Variants in PDK1 observed in about 807,000 individuals in gnomAD.
The protein encoded by PDK1 is [Pyruvate dehydrogenase (acetyl-transferring)] kinase isozyme 1, mitochondrial.
Under a neutral mutation model 54.2 loss-of-function variants are expected in PDK1, and 39 were observed. The observed-to-expected ratio is 0.72, with a 90% CI of 0.56 to 0.94. PDK1 has a LOEUF of 0.94. PDK1 is among the 40% of genes least tolerant of loss of function. The pLI is 0.00. For missense variants in PDK1, 552 were observed against 566.0 expected (o/e 0.98, Z 0.25); for synonymous variants, 221 against 207.1 (o/e 1.07, Z -0.58).
At chr2:172,672,600 C>T in the PDK1 span, among the ~76,000 whole-genome samples, 1 of 151,698 alleles carries the variant, frequency 6.6e-6, no homozygotes, top group Non-Finnish European at 1.5e-5. Context: ...TGAGCAAGTC[C>T]ATCAGTATCA....
chr2:172,705,485 G>A, the PDK1 span, among the ~76,000 whole-genome samples: 2 of 152,326 alleles, frequency 1.3e-5, no homozygotes, highest in South Asian at 4.1e-4. Flanking sequence ...TGTCACCTAA[G>A]TACAGGTCCT....
rs564652472 is a variant in PDK1 at position 172,601,609 on chromosome 2, G to A, written c.*5640G>A. 2.6e-5 allele frequency: 4 copies of A among 152,298 alleles called. No individual in the cohort carries two copies. The highest frequency in any genetic ancestry group is 2.1e-4 in the South Asian group (1 of 4,830). 9.4% of individuals were successfully genotyped at this position (152,298 alleles called of 1,614,324 possible). A position where few individuals can be genotyped will look rare whatever the true frequency, so the allele number is the denominator to read the frequency against. Reference sequence around the variant, plus strand: ...TTTCTGGAGGCTTCTGCAGCCTTGCGGAACTGTGAGTCAATCCTTTTTATT... The same window carrying A: ...TTTCTGGAGGCTTCTGCAGCCTTGCAGAACTGTGAGTCAATCCTTTTTATT... On this transcript the variant is annotated 3_prime_UTR_variant, in exon 11 of 11. Coordinates refer to ENST00000282077, the MANE Select transcript of PDK1 (RefSeq NM_002610.5).
the PDK1 span, among the ~76,000 whole-genome samples, chr2:172,704,782 C>T: frequency 6.6e-6 from 1 of 152,304 alleles, no homozygotes; most frequent in African/African-American, 2.4e-5. Flanking sequence ...CTGTCTCCCA[C>T]TTTGGGAGGC....
rs907447143 is a variant in PDK1, at chr2:172,602,736, C to T, written c.*6767C>T. 1 of 152,190 alleles carries T rather than the reference C, an allele frequency of 6.6e-6. No individual in the cohort carries two copies. Among genetic ancestry groups the T allele is most frequent in the Admixed American group, 6.5e-5 (1 of 15,282 alleles). The allele number at this position is 152,190 out of a possible 1,614,324, so 9.4% of individuals were successfully genotyped here. On this transcript the variant is annotated 3_prime_UTR_variant, in exon 11 of 11. Transcript: ENST00000282077. ...TTTCTGTGTTTGGGTAAACATTAGA[C>T]TTATAAAAGGGCCTAGGGTTTTTTT...
intron 8 of PDK1, among the ~76,000 whole-genome samples, chr2:172,572,685 A>G (rs1326851309): frequency 1.3e-5 from 2 of 152,200 alleles, no homozygotes; most frequent in Non-Finnish European, 2.9e-5. Context: ...AGATTGCACC[A>G]CTGCACTCCA....
At chr2:172,703,915 G>C in the PDK1 span, among the ~76,000 whole-genome samples, 1 of 151,370 alleles carries the variant, frequency 6.6e-6, no homozygotes, top group Non-Finnish European at 1.5e-5. Flanking sequence ...TGGGATTACA[G>C]GCACGTGCCA....
chr2:172,634,267 A>ATTATTATTATTATTATTATTATTATTG, the PDK1 span, among the ~76,000 whole-genome samples: 20 of 143,160 alleles, frequency 1.4e-4, no homozygotes, highest in Non-Finnish European at 2.3e-4. Context: ...TATTTATATT[A>ATTATTATTATTATTATTATTATTATTG]TTATTATTAT....
the PDK1 span, among the ~76,000 whole-genome samples, chr2:172,720,716 A>AGGTTT: frequency 6.6e-6 from 1 of 151,966 alleles, no homozygotes; most frequent in Non-Finnish European, 1.5e-5. Flanking sequence ...AATAATGACA[A>AGGTTT]GGTTTTGTTT....
the PDK1 span, among the ~76,000 whole-genome samples, chr2:172,651,641 C>T: frequency 3.3e-5 from 5 of 152,250 alleles, no homozygotes; most frequent in South Asian, 4.2e-4. Context: ...GGGATATCAC[C>T]GCTGATCCCA....
chr2:172,556,136 C>A lies in PDK1; in HGVS notation c.-15C>A. ...ACCTGGCGTACTGGCTGTGGCTTCT[C>A]TAGCGGGACTCGGCATGAGGCTGGC... On this transcript the variant is annotated 5_prime_UTR_variant, in exon 1 of 11. Coordinates refer to ENST00000282077, the MANE Select transcript of PDK1 (RefSeq NM_002610.5). 1.4e-6 allele frequency: 2 copies of A among 1,401,228 alleles called. No homozygotes were observed. Among genetic ancestry groups the A allele is most frequent in the South Asian group, 3.1e-5 (2 of 64,854 alleles). 86.8% of individuals were successfully genotyped at this position (1,401,228 alleles called of 1,614,324 possible).
the PDK1 span, among the ~76,000 whole-genome samples, chr2:172,704,689 A>G: frequency 6.6e-6 from 1 of 152,158 alleles, no homozygotes; most frequent in African/African-American, 2.4e-5. Context: ...GCACGTACCC[A>G]CCTGATAAGG....
the PDK1 span, among the ~76,000 whole-genome samples, chr2:172,684,824 C>T: frequency 6.6e-6 from 1 of 152,264 alleles, no homozygotes; most frequent in Non-Finnish European, 1.5e-5. Flanking sequence ...TTTGTCTGCT[C>T]CCCTCCACAG....
the PDK1 span, among the ~76,000 whole-genome samples, chr2:172,671,794 A>G: frequency 3.3e-5 from 5 of 152,162 alleles, no homozygotes; most frequent in African/African-American, 1.2e-4. Flanking sequence ...TCTTAGAGTA[A>G]TAGTTTATCA....
intron 10 of PDK1, among the ~76,000 whole-genome samples, chr2:172,593,507 G>A (rs1426458049): frequency 4.6e-5 from 7 of 152,062 alleles, no homozygotes; most frequent in Admixed American, 4.6e-4. Context: ...GGACTTTTAT[G>A]CAGTCCTTTA....
At position 172,595,918 on chromosome 2, in the gene PDK1, G is replaced by C. The variant is rs1690865218; in HGVS notation, c.1260G>C (p.Trp420Cys). 3.7e-6 allele frequency: 6 copies of C among 1,613,760 alleles called. No individual in the cohort carries two copies. Among genetic ancestry groups the C allele is most frequent in the Non-Finnish European group, 5.1e-6 (6 of 1,179,778 alleles). ...ACACCAACCACGAGGCTGATGACTGGTGCGTCCCCAGCAGAGAACCCAAAG... is the reference window on the plus strand; with the variant it reads ...ACACCAACCACGAGGCTGATGACTGCTGCGTCCCCAGCAGAGAACCCAAAG... ...HYNTNHEADD[W>C]CVPSREPKDM... Residue 420 changes from tryptophan (W) to cysteine (C), a missense_variant, in exon 11 of 11, where the codon TGG becomes TGC. Physicochemically the swap from Trp to Cys is radical, Grantham distance 215 (BLOSUM62 -2). Coordinates refer to ENST00000282077, the MANE Select transcript of PDK1 (RefSeq NM_002610.5).
chr2:172,617,339 A>T, the PDK1 span, among the ~76,000 whole-genome samples: 1 of 152,176 alleles, frequency 6.6e-6, no homozygotes, highest in Non-Finnish European at 1.5e-5. Flanking sequence ...AATTCTTATT[A>T]AATGAAATAA....
intron 9 of PDK1, among the ~76,000 whole-genome samples, chr2:172,590,696 C>A (rs189843090): frequency 6.6e-6 from 1 of 152,120 alleles, no homozygotes; most frequent in African/African-American, 2.4e-5. Flanking sequence ...GGAAGGGGAC[C>A]CGAGCGGGTT....
intron 8 of PDK1, among the ~76,000 whole-genome samples, chr2:172,581,929 T>C (rs970256183): frequency 6.6e-6 from 1 of 152,194 alleles, no homozygotes; most frequent in African/African-American, 2.4e-5. Context: ...TGTGTTTTTT[T>C]ATAGATGGAG....
the PDK1 span, among the ~76,000 whole-genome samples, chr2:172,690,954 C>A: frequency 6.7e-6 from 1 of 149,976 alleles, no homozygotes; most frequent in Admixed American, 6.8e-5. Flanking sequence ...AGGTATCAAA[C>A]CTGCACGTTG....
Sources: allele counts gnomAD v4.1 joint callset (sites outside exome capture counted in the v4.1 genomes callset), GRCh38; gene constraint gnomAD v4.1.1; transcripts MANE v1.5; gene names NCBI Gene and HGNC (gene_info 2026-07-23, HGNC 2026-07-21).